CFAP46: variants seen among roughly 807,000 people sequenced by gnomAD.
CFAP46 encodes the protein cilia and flagella associated protein 46.
Under a neutral mutation model 325.7 loss-of-function variants are expected in CFAP46, and 245 were observed. The observed-to-expected ratio is 0.75, with a 90% CI of 0.68 to 0.84. CFAP46 has a LOEUF of 0.84. Among genes scored for constraint, CFAP46 ranks in the 40% least tolerant of loss-of-function variants. The probability of loss-of-function intolerance (pLI) is 0.00; values close to 1 mark genes in which losing one functional copy is unlikely to be tolerated. For synonymous variants in CFAP46, 1,523 were observed against 1,495.9 expected (o/e 1.02, Z -0.42); for missense variants, 3,346 against 3,543.0 (o/e 0.94, Z 1.41).
chr10:132,880,378 G>A (rs1359980733), intron 28 of CFAP46, among the ~76,000 whole-genome samples: 1 of 152,210 alleles, frequency 6.6e-6, no homozygotes, highest in Non-Finnish European at 1.5e-5. Flanking sequence ...CTGTGAGCAG[G>A]GGCTGGGTGG....
At chr10:132,867,328 G>A (rs1848829654) in intron 34 of CFAP46, 47 bp downstream of exon 34, 3 of 1,528,886 alleles carry the variant, frequency 2.0e-6, no homozygotes, top group African/African-American at 2.8e-5. Flanking sequence ...CGAGGCACCG[G>A]CGCCCGCTGG....
At chr10:132,837,830 C>G (rs1348694953) in intron 44 of CFAP46, among the ~76,000 whole-genome samples, 2 of 151,314 alleles carry the variant, frequency 1.3e-5, no homozygotes, top group African/African-American at 2.4e-5. Flanking sequence ...TGCACACACA[C>G]AGACATGCAC....
Position 132,808,586 on chromosome 10 carries a change from G to A in CFAP46, c.7983C>T (p.Ala2661=), listed in dbSNP as rs773919772. Residue 2661 remains alanine, a synonymous_variant, in exon 58 of 58, where the codon GCC becomes GCT. Transcript: ENST00000368586. The surrounding 1 kb of genome is among the most constrained non-coding windows in gnomAD (Gnocchi z 6.8). ...ACAGGCAGGCAGAGCTCGAGGTCCA[G>A]GCGGCTGCCTTGCGGGAAGTCGCTG... The part of the protein sequence containing the change: ...PPPATSRKAA[A]WTSSSACLCA... 5 of 1,612,700 alleles carry A rather than the reference G, an allele frequency of 3.1e-6. No homozygotes were observed. In the South Asian group the frequency reaches 5.5e-5, roughly 18 times the overall value.
intron 22 of CFAP46, among the ~76,000 whole-genome samples, chr10:132,901,166 G>A (rs1359017116): frequency 2.0e-5 from 3 of 152,080 alleles, no homozygotes; most frequent in Non-Finnish European, 4.4e-5. Context: ...TTCTGTATCT[G>A]TGTCTTTACA....
intron 50 of CFAP46, among the ~76,000 whole-genome samples, chr10:132,822,124 CTTG>C (rs1373133126): frequency 9.8e-6 from 1 of 102,520 alleles, no homozygotes. Context: ...TGTGTGTGCA[CTTG>C]TGTGTGCTGT....
intron 10 of CFAP46, among the ~76,000 whole-genome samples, chr10:132,925,125 G>A (rs147783706): frequency 0.021 from 3,187 of 151,284 alleles, 64 homozygotes; most frequent in Middle Eastern, 0.052. Flanking sequence ...GGCTGCGCCC[G>A]CCTCCCCCGT....
chr10:132,893,422 G>A (rs549324080), intron 24 of CFAP46, among the ~76,000 whole-genome samples: 1 of 152,332 alleles, frequency 6.6e-6, no homozygotes, highest in Non-Finnish European at 1.5e-5. Context: ...CACTTGCAGC[G>A]GGGAGGAGCC....
At position 132,808,913 on chromosome 10, in the gene CFAP46, A is replaced by G; in HGVS notation, c.7665-9T>C. On this transcript the variant is annotated splice_polypyrimidine_tract_variant and intron_variant, in intron 57 of 57. Coordinates refer to ENST00000368586, the MANE Select transcript of CFAP46 (RefSeq NM_001200049.3). The surrounding 1 kb of genome is among the most constrained non-coding windows in gnomAD (Gnocchi z 6.8). ...GGTCTGAGAAGCCTCGTCTGTGGAG[A>G]AAGGGGCGGGAGCTATGAACCCCGA... 2 of 1,568,202 alleles carry G rather than the reference A, an allele frequency of 1.3e-6. No homozygotes were observed. Among genetic ancestry groups the G allele is most frequent in the East Asian group, 4.5e-5 (2 of 44,088 alleles).
chr10:132,914,992 A>G (rs1849614616), intron 17 of CFAP46, among the ~76,000 whole-genome samples: 2 of 152,274 alleles, frequency 1.3e-5, no homozygotes, highest in African/African-American at 2.4e-5. Context: ...AGCGCAGGGC[A>G]GTCAGCCCTC....
chr10:132,833,283 T>C (rs1848181079), intron 50 of CFAP46, 75 bp downstream of exon 50: 1 of 1,402,974 alleles, frequency 7.1e-7, no homozygotes, highest in African/African-American at 1.4e-5. Context: ...GGAGCTAACA[T>C]TGTTTCATCT....
chr10:132,845,541 C>T (rs955048630), intron 44 of CFAP46, among the ~76,000 whole-genome samples: 1 of 152,222 alleles, frequency 6.6e-6, no homozygotes, highest in Non-Finnish European at 1.5e-5. Flanking sequence ...TTAGGCCATG[C>T]TTGTCTGTTT....
chr10:132,867,015 A>G (rs1399391276), intron 34 of CFAP46, among the ~76,000 whole-genome samples: 1 of 152,194 alleles, frequency 6.6e-6, no homozygotes, highest in Non-Finnish European at 1.5e-5. Context: ...CGTGGTGCAC[A>G]TAAAGCTCAT....
chr10:132,877,104 GC>G lies in CFAP46; in HGVS notation c.4213-144del. 1.3e-6 allele frequency: 1 copy of G among 765,644 alleles called. No individual in the cohort carries two copies. Among genetic ancestry groups the G allele is most frequent in the Non-Finnish European group, 2.1e-6 (1 of 478,400 alleles). The allele number at this position is 765,644 out of a possible 1,614,324, so 47.4% of individuals were successfully genotyped here. A position where few individuals can be genotyped will look rare whatever the true frequency, so the allele number is the denominator to read the frequency against. ...TCCCCACCACCAGGTCCCAGCGAGT[GC>G]CCAGATCCAGCCTCTGATACTGTTT... On this transcript the variant is annotated intron_variant, in intron 30 of 57. Transcript: ENST00000368586. The surrounding 1 kb of genome is among the most constrained non-coding windows in gnomAD (Gnocchi z 5.7).
At position 132,835,320 on chromosome 10, in the gene CFAP46, G is replaced by T; in HGVS notation, c.6728C>A (p.Ala2243Asp). 6.2e-7 allele frequency: 1 copy of T among 1,613,296 alleles called. No individual in the cohort carries two copies. The highest frequency in any genetic ancestry group is 8.5e-7 in the Non-Finnish European group (1 of 1,179,856). The stretch of plus-strand genomic sequence containing the variant: ...GGGCCTCACCGAGCCTATGTTCAGG[G>T]CCATGTCCTCACTGTACACCTGGGC... ...TQAQVYSEDM[A>D]LNIGSEPEGL... The change falls in exon 47 of 58, where the codon GCC becomes GAC. Residue 2243 changes from alanine (A) to aspartate (D), a missense_variant. By Grantham distance (126) the Ala-to-Asp change is moderately radical. Coordinates refer to ENST00000368586, the MANE Select transcript of CFAP46 (RefSeq NM_001200049.3).
intron 48 of CFAP46, 31 bp downstream of exon 48, chr10:132,834,623 G>A (rs1340098544): frequency 6.2e-7 from 1 of 1,609,970 alleles, no homozygotes; most frequent in South Asian, 1.1e-5. Flanking sequence ...TGAGCGTGGT[G>A]GGGTGCCAGC....
At chr10:132,843,569 C>T (rs1284750841) in intron 44 of CFAP46, among the ~76,000 whole-genome samples, 340 of 57,088 alleles carry the variant, frequency 6.0e-3, no homozygotes, top group Middle Eastern at 0.038. Context: ...CCCAGGGTGC[C>T]ATGGGGCTCT....
intron 17 of CFAP46, among the ~76,000 whole-genome samples, chr10:132,915,937 A>C (rs1168892413): frequency 6.6e-6 from 1 of 152,138 alleles, no homozygotes; most frequent in African/African-American, 2.4e-5. Context: ...AAATAAGTTA[A>C]AAATATTTAA....
Position 132,912,814 on chromosome 10 carries a change from G to A in CFAP46, c.2340C>T (p.Pro780=), listed in dbSNP as rs965968579. 3.2e-5 allele frequency: 49 copies of A among 1,548,412 alleles called. No individual in the cohort carries two copies. Among genetic ancestry groups the A allele is most frequent in the Middle Eastern group, 1.7e-4 (1 of 6,000 alleles). The change falls in exon 19 of 58, where the codon CCC becomes CCT. Residue 780 remains proline (P), a synonymous_variant. Transcript: ENST00000368586. ...IVKATGHSGD[P]VMLVTLCNTL... is the part of the protein sequence containing the mutation. ...TGTTGCAGAGCGTCACCAGCATCAC[G>A]GGGTCCCTGGGAGACATGCTTGTCA...
intron 24 of CFAP46, 153 bp downstream of exon 24, chr10:132,898,806 C>T: frequency 9.4e-7 from 1 of 1,061,490 alleles, no homozygotes; most frequent in Non-Finnish European, 1.4e-6. Context: ...ACTTGGAGAC[C>T]CCCCTTAACC....
Sources: gnomAD v4.1 joint callset for allele counts (sites outside exome capture counted in the v4.1 genomes callset) on GRCh38, gnomAD v4.1.1 for gene constraint, Gnocchi (gnomAD v3.1) non-coding constraint, MANE v1.5 for transcripts, NCBI Gene and HGNC (gene_info 2026-07-23, HGNC 2026-07-21) for gene names.